The following KDM5A variants were observed in gnomAD, a reference collection of about 807,000 sequenced individuals.
KDM5A encodes the protein lysine demethylase 5A, also known as lysine-specific demethylase 5A.
KDM5A carries 42 observed loss-of-function variants against 193.5 expected under a neutral mutation model. The ratio of observed to expected loss-of-function variants is 0.22; its 90% CI spans 0.17 to 0.28. The LOEUF (loss-of-function observed/expected upper bound fraction) is 0.28, where lower values mean the gene tolerates loss of function less well. Ranked by LOEUF, KDM5A falls within the 10% of genes least tolerant of loss-of-function variation. The pLI is 1.00. For synonymous variants in KDM5A, 796 were observed against 718.1 expected, an observed-to-expected ratio of 1.11 and a Z score of -1.73; for missense variants, 1,692 against 2,055.1, an observed-to-expected ratio of 0.82 and a Z score of 3.42.
chr12:292,763 T>A lies in KDM5A; in HGVS notation c.4862A>T (p.Asp1621Val). ...CTATAAACAGTTGGAACTCACCTTG[T>A]CCTTGCAGGGCCTTTGGCAGTTCTG... ...AAQNCQRPCK[D>V]KVDWVQCDGG... Residue 1621 changes from aspartate (D) to valine (V), a missense_variant, in exon 27 of 28, where the codon GAC (aspartate) becomes GTC (valine). Coordinates refer to ENST00000399788, the MANE Select transcript of KDM5A (RefSeq NM_001042603.3). The A allele has an allele frequency of 6.2e-7, 1 of 1,614,248 alleles. No individual in the cohort carries two copies. The highest frequency in any genetic ancestry group is 8.5e-7 in the Non-Finnish European group (1 of 1,180,032).
intron 10 of KDM5A, among the ~76,000 whole-genome samples, chr12:344,753 G>C (rs908984190): frequency 6.6e-6 from 1 of 152,126 alleles, no homozygotes; most frequent in Admixed American, 6.6e-5. Flanking sequence ...CCTTACAAGA[G>C]CTCCTGAAGG....
rs149265059 is a variant in KDM5A at position 364,742 on chromosome 12, G to A, written c.537+1192C>T. The stretch of plus-strand genomic sequence containing the variant: ...GGAGCTTGCAGCAAGCCGAGATCGC[G>A]CCACTGCACTCCAGCCTGGGCGACG... On this transcript the variant is annotated intron_variant, in intron 4 of 27. Coordinates refer to ENST00000399788, the MANE Select transcript of KDM5A (RefSeq NM_001042603.3). Among the ~76,000 whole-genome samples, 1,325 of 137,650 alleles carry A rather than the reference G, an allele frequency of 9.6e-3. 24 individuals are homozygous for A. Among genetic ancestry groups the A allele is most frequent in the African/African-American group, 0.034 (1,232 of 36,358 alleles). 90.3% of individuals were successfully genotyped at this position (137,650 alleles called of 152,430 possible). A position where few individuals can be genotyped will look rare whatever the true frequency, so the allele number is the denominator to read the frequency against.
chr12:340,815 G>A (rs1386241805), intron 10 of KDM5A, among the ~76,000 whole-genome samples: 1 of 148,648 alleles, frequency 6.7e-6, no homozygotes, highest in African/African-American at 2.5e-5. Flanking sequence ...CTCAACAACA[G>A]AAAACATCAA....
intron 3 of KDM5A, among the ~76,000 whole-genome samples, chr12:373,766 T>G (rs1199036476): frequency 6.6e-6 from 1 of 152,232 alleles, no homozygotes; most frequent in Admixed American, 6.5e-5. Flanking sequence ...TCCCAGACAT[T>G]CTGGTATGTT....
intron 15 of KDM5A, 120 bp from the exon 16 acceptor site, chr12:323,326 A>C: frequency 8.3e-7 from 1 of 1,208,698 alleles, no homozygotes; most frequent in South Asian, 1.5e-5. Context: ...TACAATGGCC[A>C]AGGGAATGGG....
At chr12:296,940 T>C (rs1457171809) in intron 25 of KDM5A, 101 bp downstream of exon 25, 64 of 1,239,394 alleles carry the variant, frequency 5.2e-5, no homozygotes, top group Non-Finnish European at 6.5e-5. Context: ...TGGCCAACCA[T>C]TGTACTCCAC....
At chr12:365,867 A>G (rs1468589919) in intron 4 of KDM5A, 67 bp downstream of exon 4, 3 of 1,521,072 alleles carry the variant, frequency 2.0e-6, no homozygotes, top group Non-Finnish European at 2.7e-6. Context: ...GGTTAAACAC[A>G]GTCTAAAGTT....
intron 10 of KDM5A, among the ~76,000 whole-genome samples, chr12:336,606 C>T (rs564937403): frequency 1.4e-4 from 22 of 152,054 alleles, no homozygotes; most frequent in Middle Eastern, 3.4e-3. Context: ...ACTGGGAGGC[C>T]GAAGCTGGTG....
rs761515058 is a variant in KDM5A, at chr12:321,077, T to G, written c.2459A>C (p.Lys820Thr). The change falls in exon 18 of 28, where the codon AAA becomes ACA. Residue 820 changes from lysine to threonine, a missense_variant. Physicochemically the swap from Lys to Thr is moderately conservative, Grantham distance 78. Transcript: ENST00000399788. The part of the protein sequence containing the change: ...QSPDSGRTRT[K>T]LTVEELKAFV... ...GGCCTTCAATTCTTCCACTGTCAGTTTGGTCCGAGTCCTCCCACTATCTGG... is the reference window on the plus strand; with the variant it reads ...GGCCTTCAATTCTTCCACTGTCAGTGTGGTCCGAGTCCTCCCACTATCTGG... The G allele has an allele frequency of 6.2e-7, 1 of 1,614,052 alleles. No homozygotes were observed. The highest frequency in any genetic ancestry group is 1.3e-5 in the African/African-American group (1 of 75,048).
At chr12:348,589 C>T (rs1347894080) in intron 10 of KDM5A, among the ~76,000 whole-genome samples, 2 of 152,212 alleles carry the variant, frequency 1.3e-5, no homozygotes, top group Middle Eastern at 3.4e-3. Context: ...CCAGAAAAAA[C>T]GATGAGTTCA....
intron 6 of KDM5A, among the ~76,000 whole-genome samples, chr12:356,198 C>G (rs771287987): frequency 6.6e-6 from 1 of 152,146 alleles, no homozygotes; most frequent in Non-Finnish European, 1.5e-5. Flanking sequence ...TCATATATTA[C>G]ACAGAGAAGG....
intron 24 of KDM5A, among the ~76,000 whole-genome samples, chr12:303,669 GT>G (rs1156777408): frequency 9.4e-5 from 14 of 149,650 alleles, no homozygotes; most frequent in African/African-American, 3.4e-4. Context: ...AAAAATTATG[GT>G]TAAGTAATCT....
rs371782217 is a variant in KDM5A, at chr12:336,305, G to A, written c.1309-1883C>T. ...GCCCGGGAGATTGAAGCTGTGAGCC[G>A]AGATCATGCCACTGCACTCCAGCCT... On this transcript the variant is annotated intron_variant, in intron 10 of 27. Coordinates refer to ENST00000399788, the MANE Select transcript of KDM5A (RefSeq NM_001042603.3). Among the ~76,000 whole-genome samples the A allele has an allele frequency of 1.0e-4, 15 of 148,522 alleles. No homozygotes were observed. In the East Asian group the frequency reaches 1.2e-3, roughly 12 times the overall value.
In KDM5A at chr12:280,462, C is replaced by A. The variant is rs1041389184; in HGVS notation, c.*4994G>T. On this transcript the variant is annotated 3_prime_UTR_variant, in exon 28 of 28. Coordinates refer to ENST00000399788, the MANE Select transcript of KDM5A (RefSeq NM_001042603.3). ...GTAATCAGATTCCCCTCCCTGCCCC[C>A]GCTCTTTCAACCAACCCTCCTCCTA... 8 of 232,976 alleles carry A rather than the reference C, an allele frequency of 3.4e-5. No individual in the cohort carries two copies. Among genetic ancestry groups the A allele is most frequent in the African/African-American group, 1.5e-4 (7 of 45,324 alleles). The allele number at this position is 232,976 out of a possible 1,614,324, so 14.4% of individuals were successfully genotyped here. A position where few individuals can be genotyped will look rare whatever the true frequency, so the allele number is the denominator to read the frequency against.
chr12:325,510 T>A (rs541918265), intron 14 of KDM5A, among the ~76,000 whole-genome samples: 63 of 150,634 alleles, frequency 4.2e-4, no homozygotes, highest in African/African-American at 1.4e-3. Context: ...AACTTTGTCA[T>A]TACTAAAAAT....
chr12:357,099 G>A (rs1179674618), intron 5 of KDM5A, among the ~76,000 whole-genome samples: 1 of 152,086 alleles, frequency 6.6e-6, no homozygotes, highest in African/African-American at 2.4e-5. Context: ...GGACAACACA[G>A]GGGAGACCCC....
At chr12:317,327 C>T (rs1565531743) in intron 19 of KDM5A, among the ~76,000 whole-genome samples, 1 of 152,170 alleles carries the variant, frequency 6.6e-6, no homozygotes, top group African/African-American at 2.4e-5. Context: ...TTCCTCAAGG[C>T]TCTACCTAAG....
intron 27 of KDM5A, among the ~76,000 whole-genome samples, chr12:286,592 A>G (rs932928357): frequency 6.6e-6 from 1 of 152,208 alleles, no homozygotes; most frequent in Non-Finnish European, 1.5e-5. Flanking sequence ...AAGCCACTTA[A>G]AACCATGAGC....
intron 5 of KDM5A, among the ~76,000 whole-genome samples, chr12:358,729 T>C (rs1383651183): frequency 1.3e-5 from 2 of 152,130 alleles, no homozygotes; most frequent in African/African-American, 2.4e-5. Context: ...ATCCCAGCAC[T>C]TTGGGAGGCT....
Sources: allele counts gnomAD v4.1 joint callset (sites outside exome capture counted in the v4.1 genomes callset), GRCh38; gene constraint gnomAD v4.1.1; transcripts MANE v1.5; gene names NCBI Gene and HGNC (gene_info 2026-07-23, HGNC 2026-07-21).